Variants in TMEFF1 observed in about 807,000 individuals in gnomAD.
TMEFF1 encodes the protein transmembrane protein with EGF like and two follistatin like domains 1.
Under a neutral mutation model 47.5 loss-of-function variants are expected in TMEFF1, and 20 were observed. That is an observed-to-expected ratio of 0.42 (90% CI 0.30 to 0.61). The LOEUF is 0.61. TMEFF1 is among the 20% of genes least tolerant of loss of function. TMEFF1 has a pLI of 0.19. For synonymous variants in TMEFF1, 162 were observed against 166.3 expected (o/e 0.97, Z 0.20); for missense variants, 411 against 471.1 (o/e 0.87, Z 1.18).
At chr9:100,539,924 T>A (rs1185113944) in intron 5 of TMEFF1, among the ~76,000 whole-genome samples, 1 of 152,234 alleles carries the variant, frequency 6.6e-6, no homozygotes, top group African/African-American at 2.4e-5. Flanking sequence ...AACCTTTAGC[T>A]AGACACAAAA....
At chr9:100,499,247 ATTTG>A (rs1271165670) in intron 2 of TMEFF1, among the ~76,000 whole-genome samples, 3 of 151,690 alleles carry the variant, frequency 2.0e-5, no homozygotes, top group African/African-American at 7.3e-5. Flanking sequence ...TTCCATTCTT[ATTTG>A]TTGCTGTCTC....
chr9:100,576,094 C>A (rs1315776337), intron 9 of TMEFF1, among the ~76,000 whole-genome samples: 1 of 152,126 alleles, frequency 6.6e-6, no homozygotes, highest in Non-Finnish European at 1.5e-5. Context: ...CTCTTCTTGT[C>A]ATTTTAGAGC....
intron 8 of TMEFF1, among the ~76,000 whole-genome samples, chr9:100,569,762 A>G (rs988179835): frequency 2.0e-4 from 30 of 152,208 alleles, no homozygotes; most frequent in African/African-American, 6.8e-4. Context: ...GCTGATTAAC[A>G]TATGCATTAC....
chr9:100,551,112 T>A (rs1838820913), intron 7 of TMEFF1, among the ~76,000 whole-genome samples: 1 of 152,268 alleles, frequency 6.6e-6, no homozygotes, highest in Admixed American at 6.5e-5. Flanking sequence ...TACAAGTGCA[T>A]CATCTATCCA....
intron 1 of TMEFF1, among the ~76,000 whole-genome samples, chr9:100,488,211 G>A (rs1837486540): frequency 6.6e-6 from 1 of 152,122 alleles, no homozygotes; most frequent in Non-Finnish European, 1.5e-5. Flanking sequence ...ATAACTGTAT[G>A]TATAGTTTTA....
intron 5 of TMEFF1, 89 bp downstream of exon 5, chr9:100,516,860 T>C (rs1838083791): frequency 1.4e-6 from 2 of 1,457,566 alleles, no homozygotes; most frequent in Non-Finnish European, 1.8e-6. Flanking sequence ...TACCTGGTTC[T>C]GTATCTTTTG....
At chr9:100,535,610 A>T (rs1339013096) in intron 5 of TMEFF1, among the ~76,000 whole-genome samples, 1 of 152,208 alleles carries the variant, frequency 6.6e-6, no homozygotes, top group African/African-American at 2.4e-5. Context: ...GCCTCTACCA[A>T]AAATATAAAA....
chr9:100,512,969 TTTCTC>T (rs1388895039), intron 3 of TMEFF1, among the ~76,000 whole-genome samples: 1 of 152,114 alleles, frequency 6.6e-6, no homozygotes, highest in Non-Finnish European at 1.5e-5. Context: ...AAACTAAAAT[TTTCTC>T]TTATCTTTTA....
chr9:100,522,580 G>A (rs1267628964), intron 5 of TMEFF1, among the ~76,000 whole-genome samples: 1 of 151,574 alleles, frequency 6.6e-6, no homozygotes, highest in Admixed American at 6.6e-5. Context: ...GGGATTACAG[G>A]TACCTGCCAC....
At chr9:100,519,476 G>T (rs1476071202) in intron 5 of TMEFF1, among the ~76,000 whole-genome samples, 2 of 151,846 alleles carry the variant, frequency 1.3e-5, no homozygotes, top group African/African-American at 4.8e-5. Context: ...TCACTTCAAA[G>T]ATGAAATCAT....
At chr9:100,516,929 A>G (rs897790708) in intron 5 of TMEFF1, among the ~76,000 whole-genome samples, 158 bp downstream of exon 5, 7 of 152,128 alleles carry the variant, frequency 4.6e-5, no homozygotes, top group Admixed American at 2.0e-4. Flanking sequence ...AATTGATATA[A>G]TACTATGGCT....
In TMEFF1 at chr9:100,473,976, G is replaced by T. The variant is rs1310084199; in HGVS notation, c.196+236G>T. On this transcript the variant is annotated intron_variant, in intron 1 of 9. Transcript: ENST00000374879. This position sits in a 1 kb window ranked among gnomAD's most constrained non-coding sequence, Gnocchi z 5.4. ...GTGTGTCGAGTGGCTGGGCGAGGGC[G>T]GCCCGGCGTGTGGGGAGGCGGTGGG... 1.3e-5 allele frequency among the ~76,000 whole-genome samples: 2 copies of T among 151,826 alleles called. No individual in the cohort carries two copies. The highest frequency in any genetic ancestry group is 4.8e-5 in the African/African-American group (2 of 41,296).
At chr9:100,550,786 G>T (rs1293837524) in intron 7 of TMEFF1, among the ~76,000 whole-genome samples, 6 of 152,142 alleles carry the variant, frequency 3.9e-5, no homozygotes, top group African/African-American at 1.4e-4. Flanking sequence ...AACCCTAGCC[G>T]AATATCTGGT....
intron 5 of TMEFF1, among the ~76,000 whole-genome samples, chr9:100,524,747 T>C (rs763883509): frequency 6.6e-6 from 1 of 152,204 alleles, no homozygotes; most frequent in African/African-American, 2.4e-5. Context: ...TATCTTCATT[T>C]ATTTTTTTTT....
chr9:100,497,320 CTTTT>C lies in TMEFF1; in HGVS notation c.197-1424_197-1421del, dbSNP rs752427622. Among the ~76,000 whole-genome samples the C allele has an allele frequency of 8.9e-4, 53 of 59,546 alleles. 1 individual carries two copies. Among genetic ancestry groups the C allele is most frequent in the East Asian group, 3.3e-3 (6 of 1,834 alleles). The allele number at this position is 59,546 out of a possible 152,430, so 39.1% of individuals were successfully genotyped here. On this transcript the variant is annotated intron_variant, in intron 1 of 9. Transcript: ENST00000374879. ...TCTTGCTTTAAGTTTCCACTCATGT[CTTTT>C]TTTTTTTTTTTTTTTTTTTTGGTGA...
chr9:100,520,473 G>A (rs1013914539), intron 5 of TMEFF1, among the ~76,000 whole-genome samples: 2 of 152,098 alleles, frequency 1.3e-5, no homozygotes, highest in African/African-American at 2.4e-5. Flanking sequence ...CTTGCTAATG[G>A]TTGTTAAAAA....
intron 5 of TMEFF1, among the ~76,000 whole-genome samples, chr9:100,523,715 A>T (rs944913946): frequency 6.6e-6 from 1 of 152,220 alleles, no homozygotes; most frequent in Non-Finnish European, 1.5e-5. Context: ...GGTACTTTCT[A>T]TATAGGGTTA....
chr9:100,565,506 A>G (rs1321554041), intron 8 of TMEFF1, among the ~76,000 whole-genome samples: 1 of 152,168 alleles, frequency 6.6e-6, no homozygotes, highest in African/African-American at 2.4e-5. Flanking sequence ...TGACATACCG[A>G]TCGGTCTCAA....
chr9:100,574,515 G>A (rs1286901278), intron 9 of TMEFF1, among the ~76,000 whole-genome samples: 1 of 152,040 alleles, frequency 6.6e-6, no homozygotes, highest in Non-Finnish European at 1.5e-5. Context: ...GAGACTACAG[G>A]CATGCGCCAC....
Sources: allele counts gnomAD v4.1 joint callset (sites outside exome capture counted in the v4.1 genomes callset), GRCh38; gene constraint gnomAD v4.1.1; non-coding constraint Gnocchi (gnomAD v3.1); transcripts MANE v1.5; gene names NCBI Gene and HGNC (gene_info 2026-07-23, HGNC 2026-07-21).